SMG6: variants seen among roughly 807,000 people sequenced by gnomAD.
SMG6 encodes the protein SMG6 nonsense mediated mRNA decay factor.
Under a neutral mutation model 142.2 loss-of-function variants are expected in SMG6, and 66 were observed. The ratio of observed to expected loss-of-function variants is 0.46; its 90% CI spans 0.38 to 0.57. The LOEUF is 0.57. Ranked by LOEUF, SMG6 falls within the 20% of genes least tolerant of loss-of-function variation. SMG6 has a pLI of 0.00. For missense variants in SMG6, 1,793 were observed against 1,832.0 expected (o/e 0.98, Z 0.39); for synonymous variants, 779 against 702.4 (o/e 1.11, Z -1.72).
intron 10 of SMG6, among the ~76,000 whole-genome samples, chr17:2,228,602 A>C (rs1021412881): frequency 6.6e-6 from 1 of 152,098 alleles, no homozygotes; most frequent in Non-Finnish European, 1.5e-5. Context: ...GCCTCAAGTG[A>C]TCTGCCCGCC....
chr17:2,253,116 T>TAAAA (rs1320114828), intron 8 of SMG6, among the ~76,000 whole-genome samples: 2 of 137,244 alleles, frequency 1.5e-5, no homozygotes, highest in East Asian at 4.3e-4. Flanking sequence ...CTAAAATATT[T>TAAAA]TATTTTATTT....
At chr17:2,069,096 A>G (rs2068028308) in intron 15 of SMG6, among the ~76,000 whole-genome samples, 165 bp from the exon 16 acceptor site, 1 of 152,144 alleles carries the variant, frequency 6.6e-6, no homozygotes. Context: ...CCAAGGGCTG[A>G]GCATAGCACT....
chr17:2,176,806 G>A (rs1035296120), intron 12 of SMG6, among the ~76,000 whole-genome samples: 1 of 152,166 alleles, frequency 6.6e-6, no homozygotes, highest in Admixed American at 6.5e-5. Flanking sequence ...AACCAGCAGT[G>A]ACTAGTTACA....
intron 8 of SMG6, among the ~76,000 whole-genome samples, chr17:2,269,069 T>C (rs1176741962): frequency 1.3e-5 from 2 of 151,838 alleles, no homozygotes; most frequent in Non-Finnish European, 2.9e-5. Context: ...CTGGGCATGT[T>C]GGCAGGCGCC....
intron 9 of SMG6, among the ~76,000 whole-genome samples, chr17:2,244,445 G>GA (rs2073884326): frequency 6.6e-6 from 1 of 152,170 alleles, no homozygotes; most frequent in Non-Finnish European, 1.5e-5. Context: ...AGTAAAGGTA[G>GA]AGAAAGAAGA....
intron 13 of SMG6, among the ~76,000 whole-genome samples, chr17:2,166,335 C>A (rs1211982142): frequency 6.6e-6 from 1 of 151,880 alleles, no homozygotes; most frequent in Non-Finnish European, 1.5e-5. Flanking sequence ...GAGCTGAGGT[C>A]TAAGAAAATA....
At chr17:2,090,740 G>GGAA (rs891122942) in intron 13 of SMG6, among the ~76,000 whole-genome samples, 1 of 152,168 alleles carries the variant, frequency 6.6e-6, no homozygotes, top group Non-Finnish European at 1.5e-5. Context: ...AATCACACGG[G>GGAA]TTTCCCCCCA....
intron 10 of SMG6, among the ~76,000 whole-genome samples, chr17:2,218,797 C>T (rs2073091523): frequency 5.9e-5 from 9 of 152,030 alleles, no homozygotes; most frequent in Admixed American, 5.9e-4. Flanking sequence ...TGCACAACAC[C>T]GAGAGTGAAC....
intron 8 of SMG6, chr17:2,265,829 G>T: frequency 4.1e-6 from 1 of 244,914 alleles, no homozygotes; most frequent in Non-Finnish European, 6.5e-6. Context: ...ATTTAGAGAT[G>T]CTGGTTAAAA....
rs1414510182 is a variant in SMG6, at chr17:2,081,800, C to G, written c.3681+10G>C. ...CATAGTGGGAACCACGCTCCCCAGGCCGACTTCACCTGGATCTTTTCCTGG... is the reference window on the plus strand; with the variant it reads ...CATAGTGGGAACCACGCTCCCCAGGGCGACTTCACCTGGATCTTTTCCTGG... On this transcript the variant is annotated intron_variant, in intron 15 of 18. Coordinates refer to ENST00000263073, the MANE Select transcript of SMG6 (RefSeq NM_017575.5). 6.2e-7 allele frequency: 1 copy of G among 1,612,458 alleles called. No homozygotes were observed. The highest frequency in any genetic ancestry group is 8.5e-7 in the Non-Finnish European group (1 of 1,179,984).
intron 10 of SMG6, among the ~76,000 whole-genome samples, chr17:2,231,473 G>A (rs940220322): frequency 1.3e-5 from 2 of 152,116 alleles, no homozygotes; most frequent in Non-Finnish European, 2.9e-5. Flanking sequence ...CGAGGCGGAC[G>A]GATCACGAAG....
At chr17:2,079,599 G>A (rs980696589) in intron 15 of SMG6, among the ~76,000 whole-genome samples, 3 of 150,692 alleles carry the variant, frequency 2.0e-5, no homozygotes, top group Admixed American at 1.3e-4. Flanking sequence ...TCACGACAGC[G>A]AGACTCCATC....
intron 10 of SMG6, chr17:2,229,285 G>A (rs570274156): frequency 2.6e-5 from 4 of 152,062 alleles, no homozygotes; most frequent in African/African-American, 4.8e-5. Context: ...TGAGTGTCAC[G>A]CCACTCAGAG....
intron 10 of SMG6, among the ~76,000 whole-genome samples, chr17:2,195,211 A>T (rs1344256601): frequency 6.6e-6 from 1 of 152,242 alleles, no homozygotes; most frequent in Non-Finnish European, 1.5e-5. Context: ...TCATGACATC[A>T]TAAAAAGGGT....
At position 2,098,597 on chromosome 17, in the gene SMG6, A is replaced by T. The variant is rs1269734879; in HGVS notation, c.3358-12696T>A. Among the ~76,000 whole-genome samples the T allele has an allele frequency of 2.6e-5, 4 of 152,188 alleles. No homozygotes were observed. The East Asian group carries it at 7.7e-4, about 29-fold the overall frequency. ...TTGGATCCTAAATTTTTCATCTAAGAATGCATTCCCTTCTCAGGTTTATGT... is the reference window on the plus strand; with the variant it reads ...TTGGATCCTAAATTTTTCATCTAAGTATGCATTCCCTTCTCAGGTTTATGT... On this transcript the variant is annotated intron_variant, in intron 13 of 18. Transcript: ENST00000263073.
At chr17:2,127,138 CAAAAAAAAAAAAA>C (rs941523968) in intron 13 of SMG6, among the ~76,000 whole-genome samples, 1 of 51,260 alleles carries the variant, frequency 2.0e-5, no homozygotes, top group Non-Finnish European at 4.1e-5. Context: ...GACCTTGTCT[CAAAAAAAAAAAAA>C]AAAAAAAAAA....
At chr17:2,127,999 G>A (rs1219633102) in intron 13 of SMG6, 4 of 486,540 alleles carry the variant, frequency 8.2e-6, no homozygotes, top group South Asian at 3.2e-5. Flanking sequence ...TAAGGAACGA[G>A]TGTCAAAGGA....
At chr17:2,079,829 C>T (rs2151424097) in intron 15 of SMG6, among the ~76,000 whole-genome samples, 1 of 152,208 alleles carries the variant, frequency 6.6e-6, no homozygotes, top group East Asian at 1.9e-4. Context: ...AATCCCAGCA[C>T]TTTGGGAGGC....
At chr17:2,097,386 T>A (rs1597379542) in intron 13 of SMG6, among the ~76,000 whole-genome samples, 2 of 152,240 alleles carry the variant, frequency 1.3e-5, no homozygotes, top group South Asian at 2.1e-4. Flanking sequence ...TCTGCTTGCC[T>A]CCGCCTCCCA....
Sources: gnomAD v4.1 joint callset for allele counts (sites outside exome capture counted in the v4.1 genomes callset) on GRCh38, gnomAD v4.1.1 for gene constraint, MANE v1.5 for transcripts, NCBI Gene and HGNC (gene_info 2026-07-23, HGNC 2026-07-21) for gene names.